NPAS3: variants seen among roughly 807,000 people sequenced by gnomAD.
NPAS3 encodes the protein neuronal PAS domain protein 3, also known as neuronal PAS domain-containing protein 3.
A neutral mutation model predicts 73.1 loss-of-function variants in NPAS3; 14 were observed. The ratio of observed to expected loss-of-function variants is 0.19; its 90% confidence interval spans 0.13 to 0.30. The LOEUF is 0.30. Ranked by LOEUF, NPAS3 falls within the 10% of genes least tolerant of loss-of-function variation. NPAS3 has a pLI of 1.00. For synonymous variants in NPAS3, 620 were observed against 541.5 expected, an observed-to-expected ratio of 1.14 and a Z score of -2.01; for missense variants, 1,096 against 1,250.0, an observed-to-expected ratio of 0.88 and a Z score of 1.86.
intron 6 of NPAS3, among the ~76,000 whole-genome samples, chr14:33,708,060 A>G (rs952924312): frequency 6.6e-6 from 1 of 152,014 alleles, no homozygotes; most frequent in African/African-American, 2.4e-5. Flanking sequence ...AGCAGCCACA[A>G]AAAAAAACAC....
rs532797614 is a variant in NPAS3 at position 33,471,962 on chromosome 14, A to C, written c.469-88159A>C. On this transcript the variant is annotated intron_variant, in intron 4 of 11. Transcript: ENST00000356141. Reference sequence around the variant, plus strand: ...GCATAAACTCTATTGTGAACTACACATGTGAGGGATCTAGGTTGCACACTC... The same window carrying C: ...GCATAAACTCTATTGTGAACTACACCTGTGAGGGATCTAGGTTGCACACTC... Among the ~76,000 whole-genome samples, 3 of 152,372 alleles carry C rather than the reference A, an allele frequency of 2.0e-5. No individual in the cohort carries two copies. In the South Asian group the frequency reaches 6.2e-4, roughly 32 times the overall value.
chr14:32,972,432 G>A (rs17099772), intron 1 of NPAS3, among the ~76,000 whole-genome samples: 2,950 of 152,264 alleles, frequency 0.019, 206 homozygotes, highest in East Asian at 0.17. Context: ...ATAAAATCAA[G>A]TTTGCTCAAT....
chr14:33,073,849 A>G (rs1405747213), intron 2 of NPAS3, among the ~76,000 whole-genome samples: 1 of 152,236 alleles, frequency 6.6e-6, no homozygotes, highest in African/African-American at 2.4e-5. Context: ...AGGCCAGCTT[A>G]CAGGCTTTTG....
intron 5 of NPAS3, among the ~76,000 whole-genome samples, chr14:33,662,868 CCTTT>C (rs2059347791): frequency 7.7e-6 from 1 of 129,984 alleles, no homozygotes; most frequent in South Asian, 2.4e-4. Flanking sequence ...ATGGGGTTTT[CCTTT>C]TTTTTTTTTT....
Position 33,544,819 on chromosome 14 carries a change from TA to T in NPAS3, c.469-15300del, listed in dbSNP as rs1279897233. ...ATATATATATATATATATGTATATA[TA>T]ATATATATGTGTATATATATATTAT... On this transcript the variant is annotated intron_variant, in intron 4 of 11. Coordinates refer to ENST00000356141, the Ensembl canonical transcript of NPAS3. 4.7e-3 allele frequency among the ~76,000 whole-genome samples: 456 copies of T among 96,222 alleles called. 5 individuals are homozygous for T. Among genetic ancestry groups the T allele is most frequent in the Middle Eastern group, 0.027 (5 of 182 alleles). The allele number at this position is 96,222 out of a possible 152,430, so 63.1% of individuals were successfully genotyped here.
chr14:33,766,225 G>A (rs1327642083), intron 7 of NPAS3, among the ~76,000 whole-genome samples: 4 of 152,158 alleles, frequency 2.6e-5, no homozygotes, highest in Admixed American at 6.5e-5. Flanking sequence ...ATGTCAAGGA[G>A]AGGAGATAAG....
intron 2 of NPAS3, among the ~76,000 whole-genome samples, chr14:33,083,293 G>A (rs951652879): frequency 2.8e-4 from 40 of 143,626 alleles, no homozygotes; most frequent in African/African-American, 1.0e-3. Flanking sequence ...TGAGGGTAGA[G>A]ATAATAAAAT....
intron 5 of NPAS3, among the ~76,000 whole-genome samples, chr14:33,643,683 T>C (rs2058742653): frequency 1.3e-5 from 2 of 152,194 alleles, no homozygotes; most frequent in Admixed American, 6.5e-5. Flanking sequence ...TTTGCCACAG[T>C]GGATTAAGAT....
chr14:33,085,614 C>A (rs1348973453), intron 2 of NPAS3, among the ~76,000 whole-genome samples: 1 of 152,128 alleles, frequency 6.6e-6, no homozygotes, highest in Non-Finnish European at 1.5e-5. Context: ...CTGAGCCCCC[C>A]CAACACACTT....
intron 2 of NPAS3, among the ~76,000 whole-genome samples, chr14:33,159,256 C>G (rs1256706092): frequency 6.6e-6 from 1 of 152,186 alleles, no homozygotes; most frequent in Non-Finnish European, 1.5e-5. Flanking sequence ...CTAAAGCTAA[C>G]TGTCATACAC....
intron 4 of NPAS3, among the ~76,000 whole-genome samples, chr14:33,519,958 G>A (rs1007012925): frequency 5.9e-5 from 9 of 152,036 alleles, no homozygotes; most frequent in Admixed American, 3.9e-4. Flanking sequence ...CCAGACTGTC[G>A]GGGAGAATAT....
At chr14:33,290,780 A>G (rs759936050) in intron 3 of NPAS3, among the ~76,000 whole-genome samples, 20 of 152,200 alleles carry the variant, frequency 1.3e-4, no homozygotes, top group Non-Finnish European at 5.9e-5. Flanking sequence ...TCAGAGAATG[A>G]TTTTGTGGGA....
chr14:32,980,200 C>T (rs1158518642), intron 1 of NPAS3, among the ~76,000 whole-genome samples: 1 of 152,138 alleles, frequency 6.6e-6, no homozygotes, highest in African/African-American at 2.4e-5. Flanking sequence ...CAGATCTTTC[C>T]TTCCTGGAAG....
At chr14:33,321,142 A>G (rs2043428019) in intron 3 of NPAS3, among the ~76,000 whole-genome samples, 1 of 151,670 alleles carries the variant, frequency 6.6e-6, no homozygotes, top group Non-Finnish European at 1.5e-5. Flanking sequence ...ACTTCCTACC[A>G]GACATCAGTC....
At chr14:33,266,062 T>A (rs545776202) in intron 3 of NPAS3, among the ~76,000 whole-genome samples, 1 of 151,986 alleles carries the variant, frequency 6.6e-6, no homozygotes, top group African/African-American at 2.4e-5. Context: ...TAAGATAAAT[T>A]TTGTGCTTCA....
At chr14:33,149,906 G>C (rs1184663959) in intron 2 of NPAS3, among the ~76,000 whole-genome samples, 2 of 152,096 alleles carry the variant, frequency 1.3e-5, no homozygotes, top group African/African-American at 4.8e-5. Context: ...ATCTACATTA[G>C]GTATTTCCCT....
Position 33,117,157 on chromosome 14 carries a change from T to C in NPAS3, c.140+61163T>C, listed in dbSNP as rs377147983. 9.9e-5 allele frequency among the ~76,000 whole-genome samples: 15 copies of C among 152,166 alleles called. No homozygotes were observed. The East Asian group carries it at 2.3e-3, about 24-fold the overall frequency. On this transcript the variant is annotated intron_variant, in intron 2 of 11. Transcript: ENST00000356141. Reference sequence around the variant, plus strand: ...ATGCTGTATAATCATCCAATCAGGGTATTTAGCATGACCATCACTTCATGC... The same window carrying C: ...ATGCTGTATAATCATCCAATCAGGGCATTTAGCATGACCATCACTTCATGC...
intron 4 of NPAS3, among the ~76,000 whole-genome samples, chr14:33,371,821 G>A (rs2046102793): frequency 6.6e-6 from 1 of 152,104 alleles, no homozygotes; most frequent in Non-Finnish European, 1.5e-5. Flanking sequence ...CAGATACTGT[G>A]CTAAGTTCTC....
chr14:33,330,821 A>G (rs1040223249), intron 3 of NPAS3, among the ~76,000 whole-genome samples: 19 of 152,222 alleles, frequency 1.2e-4, no homozygotes, highest in African/African-American at 4.1e-4. Context: ...TGTGAGGACA[A>G]AGAGAGAAGC....
Sources: allele counts gnomAD v4.1 joint callset (sites outside exome capture counted in the v4.1 genomes callset), GRCh38; gene constraint gnomAD v4.1.1; transcripts MANE v1.5; gene names NCBI Gene and HGNC (gene_info 2026-07-23, HGNC 2026-07-21).